TNFRSF8: variants seen among roughly 807,000 people sequenced by gnomAD.
The protein encoded by TNFRSF8 is TNF receptor superfamily member 8.
Under a neutral mutation model 70.8 loss-of-function variants are expected in TNFRSF8, and 26 were observed. The observed-to-expected ratio is 0.37, with a 90% CI of 0.27 to 0.51. The LOEUF is 0.51. Among genes scored for constraint, TNFRSF8 ranks in the 20% least tolerant of loss-of-function variants. TNFRSF8 has a pLI of 0.94. For synonymous variants in TNFRSF8, 356 were observed against 339.2 expected, an observed-to-expected ratio of 1.05 and a Z score of -0.54; for missense variants, 720 against 807.9, an observed-to-expected ratio of 0.89 and a Z score of 1.32.
chr1:12,127,537 G>A (rs11569922), intron 12 of TNFRSF8, among the ~76,000 whole-genome samples: 4,345 of 152,346 alleles, frequency 0.029, 81 homozygotes, highest in African/African-American at 0.048. Context: ...GCCCTGGCCC[G>A]TCCCCTGATC....
intron 10 of TNFRSF8, among the ~76,000 whole-genome samples, chr1:12,124,223 G>A (rs1213322023): frequency 6.6e-6 from 1 of 151,780 alleles, no homozygotes; most frequent in African/African-American, 2.4e-5. Flanking sequence ...TGTCCAGGTT[G>A]GTCTCAAACT....
intron 3 of TNFRSF8, among the ~76,000 whole-genome samples, chr1:12,103,906 T>G (rs1163017751): frequency 6.6e-6 from 1 of 152,218 alleles, no homozygotes; most frequent in Non-Finnish European, 1.5e-5. Flanking sequence ...GGGTTCACTC[T>G]TTGTGTTGCC....
chr1:12,089,891 T>C (rs535163891), intron 2 of TNFRSF8, among the ~76,000 whole-genome samples: 3 of 150,426 alleles, frequency 2.0e-5, no homozygotes, highest in East Asian at 3.9e-4. Context: ...CATCCATCTA[T>C]CCACCTATCT....
chr1:12,090,520 C>T (rs917053699), intron 2 of TNFRSF8, among the ~76,000 whole-genome samples: 1 of 151,052 alleles, frequency 6.6e-6, no homozygotes, highest in Non-Finnish European at 1.5e-5. Context: ...ATCCATCCAC[C>T]CACCCACTCA....
Position 12,113,739 on chromosome 1 carries a change from AAGAC to A in TNFRSF8, c.793+1729_793+1732del, listed in dbSNP as rs916431382. On this transcript the variant is annotated intron_variant, in intron 7 of 14. Transcript: ENST00000263932. The surrounding 1 kb of genome is among the most constrained non-coding windows in gnomAD (Gnocchi z 4.9). ...ACAGAGATAGAGTGTGACAGAGAGA[AAGAC>A]AGAGAAAGAGAGAGAGAGAGACAGA... Among the ~76,000 whole-genome samples the A allele has an allele frequency of 3.4e-5, 5 of 149,072 alleles. No homozygotes were observed. Among genetic ancestry groups the A allele is most frequent in the African/African-American group, 9.9e-5 (4 of 40,314 alleles).
chr1:12,142,466 G>A lies in TNFRSF8; in HGVS notation c.1723G>A (p.Val575Ile), dbSNP rs761447259. The change falls in exon 15 of 15, where the codon GTC becomes ATC. Residue 575 changes from valine (V) to isoleucine (I), a missense_variant. By Grantham distance (29) the Val-to-Ile change is conservative (BLOSUM62 3). Coordinates refer to ENST00000263932, the MANE Select transcript of TNFRSF8 (RefSeq NM_001243.5). The surrounding 1 kb of genome is among the most constrained non-coding windows in gnomAD (Gnocchi z 5.0). ...ACCGCCTCTGGGCAGCTGCAGCGAT[G>A]TCATGCTCTCAGTGGAAGAGGAAGG... ...TEPPLGSCSD[V>I]MLSVEEEGKE... 5.0e-6 allele frequency: 8 copies of A among 1,610,422 alleles called. No individual in the cohort carries two copies. Among genetic ancestry groups the A allele is most frequent in the Non-Finnish European group, 6.8e-6 (8 of 1,178,558 alleles).
intron 2 of TNFRSF8, among the ~76,000 whole-genome samples, chr1:12,094,453 T>G (rs560446288): frequency 1.3e-5 from 2 of 152,082 alleles, no homozygotes; most frequent in East Asian, 3.9e-4. Flanking sequence ...AAGGGGGACA[T>G]AGGTGAGCCG....
At chr1:12,092,184 T>C (rs1641257999) in intron 2 of TNFRSF8, among the ~76,000 whole-genome samples, 1 of 152,266 alleles carries the variant, frequency 6.6e-6, no homozygotes, top group African/African-American at 2.4e-5. Flanking sequence ...CTGTACTGTA[T>C]TGTATTGTTT....
At chr1:12,133,313 T>C (rs1432989953) in intron 12 of TNFRSF8, among the ~76,000 whole-genome samples, 2 of 142,122 alleles carry the variant, frequency 1.4e-5, no homozygotes, top group East Asian at 4.2e-4. Flanking sequence ...TTTTGTTTTG[T>C]TACTTTGTCA....
chr1:12,112,417 T>G lies in TNFRSF8; in HGVS notation c.793+403T>G. ...CTTTTTTTTTTTTTCCCAGACAGGG[T>G]CTCACTCCTTCACCCAAGCTGCAGT... is the stretch of plus-strand genomic sequence containing the variant. On this transcript the variant is annotated intron_variant, in intron 7 of 14. Coordinates refer to ENST00000263932, the MANE Select transcript of TNFRSF8 (RefSeq NM_001243.5). The surrounding 1 kb of genome is among the most constrained non-coding windows in gnomAD (Gnocchi z 5.3). Among the ~76,000 whole-genome samples, 1 of 149,104 alleles carries G rather than the reference T, an allele frequency of 6.7e-6. No homozygotes were observed. The highest frequency in any genetic ancestry group is 2.5e-5 in the African/African-American group (1 of 40,312).
At chr1:12,091,080 A>G (rs1187685651) in intron 2 of TNFRSF8, among the ~76,000 whole-genome samples, 1 of 152,192 alleles carries the variant, frequency 6.6e-6, no homozygotes, top group Admixed American at 6.5e-5. Context: ...AGAGAGAAAG[A>G]GCTCAGAAGA....
In TNFRSF8 at chr1:12,138,174, A is replaced by C. The variant is rs776157171; in HGVS notation, c.1336-55A>C. ...AAAAAAAAGGGGCCTCCCAGTTCAG[A>C]GACTGGTGGGGAGGTTGGGGGTACC... On this transcript the variant is annotated intron_variant, in intron 13 of 14. Coordinates refer to ENST00000263932, the MANE Select transcript of TNFRSF8 (RefSeq NM_001243.5). This position sits in a 1 kb window ranked among gnomAD's most constrained non-coding sequence, Gnocchi z 5.7. The C allele has an allele frequency of 2.3e-4, 364 of 1,569,762 alleles. No individual in the cohort carries two copies. The highest frequency in any genetic ancestry group is 3.0e-4 in the Non-Finnish European group (344 of 1,153,000).
rs36180612 is a variant in TNFRSF8 at position 12,105,527 on chromosome 1, C to CCTCTCT, written c.421+1014_421+1019dup. 2.4e-3 allele frequency among the ~76,000 whole-genome samples: 356 copies of CCTCTCT among 145,962 alleles called. 2 individuals carry two copies. Among genetic ancestry groups the CCTCTCT allele is most frequent in the African/African-American group, 8.0e-3 (316 of 39,426 alleles). On this transcript the variant is annotated intron_variant, in intron 4 of 14. Transcript: ENST00000263932. ...TTGCAAGACCAAATCTGAATCTGAT[C>CCTCTCT]CTCTCTCTCTCTCTCTCTCTCTCAC...
chr1:12,137,569 GT>G (rs751901433), intron 13 of TNFRSF8, among the ~76,000 whole-genome samples: 4,174 of 114,758 alleles, frequency 0.036, 242 homozygotes, highest in East Asian at 0.3. Flanking sequence ...TTTTTTTTTT[GT>G]TTTTTTTTTA....
Position 12,137,327 on chromosome 1 carries a change from A to C in TNFRSF8, c.1336-902A>C, listed in dbSNP as rs2930205. ...TTAAAAAGTAAAAAATAATAATAAT[A>C]ATAATGGCAAAGACGTGATTACTTT... On this transcript the variant is annotated intron_variant, in intron 13 of 14. Transcript: ENST00000263932. Among the ~76,000 whole-genome samples the C allele has an allele frequency of 9.8e-3, 1,485 of 151,724 alleles. 14 individuals carry two copies. The highest frequency in any genetic ancestry group is 0.016 in the African/African-American group (666 of 41,360).
intron 1 of TNFRSF8, among the ~76,000 whole-genome samples, chr1:12,067,420 G>A (rs1476675467): frequency 1.3e-5 from 2 of 152,296 alleles, no homozygotes; most frequent in Non-Finnish European, 2.9e-5. Context: ...CGGGCGCTGT[G>A]GCTCACACCT....
chr1:12,083,639 A>G (rs1159930297), intron 1 of TNFRSF8, among the ~76,000 whole-genome samples: 1 of 152,134 alleles, frequency 6.6e-6, no homozygotes, highest in African/African-American at 2.4e-5. Flanking sequence ...GTGAGTTGAG[A>G]TTGCACCACT....
At chr1:12,081,534 T>A (rs1569994975) in intron 1 of TNFRSF8, among the ~76,000 whole-genome samples, 1 of 151,472 alleles carries the variant, frequency 6.6e-6, no homozygotes, top group Non-Finnish European at 1.5e-5. Flanking sequence ...GAGGAGGGTG[T>A]CCTCAAGGCC....
chr1:12,092,763 C>A (rs1251302756), intron 2 of TNFRSF8, among the ~76,000 whole-genome samples: 1 of 151,980 alleles, frequency 6.6e-6, no homozygotes, highest in Non-Finnish European at 1.5e-5. Context: ...CTGCCTCGAC[C>A]TCCCAAAGTG....
Sources: allele counts gnomAD v4.1 joint callset (sites outside exome capture counted in the v4.1 genomes callset), GRCh38; gene constraint gnomAD v4.1.1; non-coding constraint Gnocchi (gnomAD v3.1); transcripts MANE v1.5; gene names NCBI Gene and HGNC (gene_info 2026-07-23, HGNC 2026-07-21).